Variants in RYR2 observed in about 807,000 individuals in gnomAD.
RYR2 encodes the protein cardiac muscle ryanodine receptor-calcium release channel.
RYR2 carries 227 observed loss-of-function variants against 601.1 expected under a neutral mutation model. The observed-to-expected ratio is 0.38, with a 90% CI of 0.34 to 0.42. The LOEUF is 0.42. RYR2 is among the 10% of genes least tolerant of loss of function. RYR2 has a pLI of 1.00. For synonymous variants in RYR2, 2,223 were observed against 2,175.1 expected, an observed-to-expected ratio of 1.02 and a Z score of -0.61; for missense variants, 4,646 against 6,156.5, an observed-to-expected ratio of 0.75 and a Z score of 8.21.
At chr1:237,564,007 G>A (rs756828209) in intron 27 of RYR2, among the ~76,000 whole-genome samples, 10 of 152,032 alleles carry the variant, frequency 6.6e-5, no homozygotes, top group Non-Finnish European at 1.5e-4. Context: ...ATACTAGAAT[G>A]TAATGTAATA....
intron 63 of RYR2, among the ~76,000 whole-genome samples, chr1:237,697,623 T>G (rs1438034111): frequency 4.0e-5 from 6 of 150,196 alleles, no homozygotes; most frequent in Non-Finnish European, 8.9e-5. Context: ...GCTTACTGAT[T>G]CGTTATCTAT....
intron 13 of RYR2, 78 bp from the exon 14 acceptor site, chr1:237,445,323 G>A (rs1391738906): frequency 4.4e-6 from 7 of 1,575,554 alleles, no homozygotes; most frequent in East Asian, 2.2e-5. Context: ...TGGCTCAGCT[G>A]TTTGAGTACA....
At chr1:237,669,030 G>A (rs1573434123) in intron 58 of RYR2, among the ~76,000 whole-genome samples, 3 of 151,470 alleles carry the variant, frequency 2.0e-5, no homozygotes, top group South Asian at 4.2e-4. Context: ...GCGGCCTTCC[G>A]CAGTGTTTGT....
chr1:237,116,116 T>G (rs972157473), intron 1 of RYR2, among the ~76,000 whole-genome samples: 1 of 152,188 alleles, frequency 6.6e-6, no homozygotes, highest in East Asian at 1.9e-4. Context: ...CTGAGTGGCT[T>G]TGCGAGCCTT....
intron 7 of RYR2, 33 bp from the exon 8 acceptor site, chr1:237,377,290 T>A (rs1247757104): frequency 1.3e-6 from 2 of 1,514,884 alleles, no homozygotes; most frequent in Non-Finnish European, 1.8e-6. Flanking sequence ...TAAGAGGAAC[T>A]TTTTCATGTT....
At chr1:237,594,886 G>GTTTTTTTTGTTTTGTT (rs1675642723) in intron 33 of RYR2, among the ~76,000 whole-genome samples, 1 of 60,402 alleles carries the variant, frequency 1.7e-5, no homozygotes, top group Non-Finnish European at 2.6e-5. Context: ...ATATCACTGG[G>GTTTTTTTTGTTTTGTT]TTTTTTTTTT....
At chr1:237,809,718 G>C (rs1251520581) in intron 100 of RYR2, among the ~76,000 whole-genome samples, 2 of 152,086 alleles carry the variant, frequency 1.3e-5, no homozygotes, top group Admixed American at 1.3e-4. Context: ...TGTAGGTATA[G>C]AGGCTGATAT....
At position 237,784,885 on chromosome 1, in the gene RYR2, C is replaced by T. The variant is rs1373863895; in HGVS notation, c.13173C>T (p.Tyr4391=). 2 of 1,613,266 alleles carry T rather than the reference C, an allele frequency of 1.2e-6. No homozygotes were observed. The highest frequency in any genetic ancestry group is 1.7e-6 in the Non-Finnish European group (2 of 1,179,586). Residue 4391 remains tyrosine, a synonymous_variant, in exon 90 of 105, where the codon TAC becomes TAT. Coordinates refer to ENST00000366574, the MANE Select transcript of RYR2 (RefSeq NM_001035.3). The surrounding 1 kb of genome is among the most constrained non-coding windows in gnomAD (Gnocchi z 7.1). ...GLDLKREGGQ[Y]KLIPHNPNAG... The stretch of plus-strand genomic sequence containing the variant: ...ATCTGAAGAGAGAAGGAGGACAGTA[C>T]AAACTGATTCCTCATAATCCAAATG...
chr1:237,056,231 C>CT (rs1213384017), intron 1 of RYR2, among the ~76,000 whole-genome samples: 1 of 144,462 alleles, frequency 6.9e-6, no homozygotes, highest in Non-Finnish European at 1.5e-5. Flanking sequence ...AGGACTGGAG[C>CT]ACTGCACCTG....
At chr1:237,426,054 A>G (rs1204521729) in intron 12 of RYR2, among the ~76,000 whole-genome samples, 1 of 151,366 alleles carries the variant, frequency 6.6e-6, no homozygotes, top group East Asian at 1.9e-4. Flanking sequence ...TTATATACAT[A>G]TATTCATATA....
chr1:237,154,627 AC>A (rs1675104649), intron 1 of RYR2, among the ~76,000 whole-genome samples: 1 of 152,194 alleles, frequency 6.6e-6, no homozygotes, highest in South Asian at 2.1e-4. Flanking sequence ...AGTCTGGGCA[AC>A]ATAGCAAGAC....
At position 237,593,537 on chromosome 1, in the gene RYR2, T is replaced by C. The variant is rs905563778; in HGVS notation, c.4337T>C (p.Ile1446Thr). 9.9e-6 allele frequency: 16 copies of C among 1,613,790 alleles called. No homozygotes were observed. Among genetic ancestry groups the C allele is most frequent in the Non-Finnish European group, 1.3e-5 (15 of 1,179,842 alleles). ...CCTGCTAATGTCTGGGTGGGCTGGA[T>C]TACATCAGATTTCCATCAGTATGAC... is the stretch of plus-strand genomic sequence containing the variant. ...QEPANVWVGW[I>T]TSDFHQYDTG... Residue 1446 changes from isoleucine to threonine, a missense_variant, in exon 33 of 105, where the codon ATT becomes ACT. By Grantham distance (89) the Ile-to-Thr change is moderately conservative. This residue lies in a region of RYR2 where 1,807 missense variants were observed against 2,088.1 expected (regional missense o/e 0.87). Transcript: ENST00000366574.
chr1:237,539,995 A>T (rs1669079523), intron 25 of RYR2, among the ~76,000 whole-genome samples: 1 of 152,150 alleles, frequency 6.6e-6, no homozygotes, highest in Non-Finnish European at 1.5e-5. Flanking sequence ...TGAAGAATGG[A>T]TGATTCGTTG....
rs149828150 is a variant in RYR2 at position 237,442,000 on chromosome 1, C to G, written c.1170+517C>G. Among the ~76,000 whole-genome samples the G allele has an allele frequency of 1.8e-4, 28 of 152,352 alleles. 1 individual carries two copies. The East Asian group carries it at 5.4e-3, about 29-fold the overall frequency. ...TCTTTGATTTATGTATATTCAGCAT[C>G]TAGCAGAGTGCTGAAACCATAGTAG... On this transcript the variant is annotated intron_variant, in intron 13 of 104. Coordinates refer to ENST00000366574, the MANE Select transcript of RYR2 (RefSeq NM_001035.3).
chr1:237,541,282 A>G (rs1380197375), intron 25 of RYR2, among the ~76,000 whole-genome samples: 4 of 152,206 alleles, frequency 2.6e-5, no homozygotes, highest in African/African-American at 9.6e-5. Context: ...GCCAGAATGC[A>G]GCCTGACAGT....
chr1:237,540,930 T>C (rs1268021207), intron 25 of RYR2, among the ~76,000 whole-genome samples: 4 of 151,690 alleles, frequency 2.6e-5, no homozygotes, highest in Non-Finnish European at 4.4e-5. Flanking sequence ...TATATATATA[T>C]GTATGCACAC....
chr1:237,775,669 G>C (rs1483820934), intron 87 of RYR2, among the ~76,000 whole-genome samples: 1 of 152,196 alleles, frequency 6.6e-6, no homozygotes, highest in African/African-American at 2.4e-5. Context: ...AAAAGGGGAA[G>C]AATTGTTTGA....
At chr1:237,526,960 T>C (rs1207178835) in intron 24 of RYR2, among the ~76,000 whole-genome samples, 1 of 152,202 alleles carries the variant, frequency 6.6e-6, no homozygotes, top group East Asian at 1.9e-4. Context: ...CTTTAATCCA[T>C]CTTGAGTTAA....
intron 100 of RYR2, among the ~76,000 whole-genome samples, chr1:237,811,931 A>G (rs1458236752): frequency 6.6e-5 from 10 of 152,192 alleles, no homozygotes; most frequent in Admixed American, 6.5e-4. Context: ...CATAAACTTA[A>G]TTCCTCAACT....
Sources: allele counts gnomAD v4.1 joint callset (sites outside exome capture counted in the v4.1 genomes callset), GRCh38; gene constraint gnomAD v4.1.1; regional missense constraint gnomAD v4.1.1; non-coding constraint Gnocchi (gnomAD v3.1); transcripts MANE v1.5; gene names NCBI Gene and HGNC (gene_info 2026-07-23, HGNC 2026-07-21).